Variants in ZCCHC14 observed in about 807,000 individuals in gnomAD.
ZCCHC14 encodes the protein zinc finger CCHC-type containing 14.
A neutral mutation model predicts 85.0 loss-of-function variants in ZCCHC14; 16 were observed. The observed-to-expected ratio is 0.19, with a 90% CI of 0.13 to 0.29. The LOEUF (loss-of-function observed/expected upper bound fraction) is 0.29. ZCCHC14 is among the 10% of genes least tolerant of loss of function. ZCCHC14 has a pLI of 1.00. For synonymous variants in ZCCHC14, 775 were observed against 630.7 expected, an observed-to-expected ratio of 1.23 and a Z score of -3.43; for missense variants, 1,303 against 1,443.5, an observed-to-expected ratio of 0.90 and a Z score of 1.58.
intron 7 of ZCCHC14, chr16:87,417,970 G>A (rs1052694252): frequency 2.6e-5 from 14 of 547,142 alleles, no homozygotes; most frequent in Non-Finnish European, 1.3e-5. Flanking sequence ...GCACACGTGT[G>A]CATACAGGCG....
intron 2 of ZCCHC14, among the ~76,000 whole-genome samples, chr16:87,437,004 G>C (rs1261702846): frequency 3.3e-5 from 5 of 151,966 alleles, no homozygotes; most frequent in African/African-American, 1.2e-4. Flanking sequence ...CTCCCTCCCT[G>C]GTCAGCCCCA....
At chr16:87,459,565 A>C (rs562596092) in intron 2 of ZCCHC14, among the ~76,000 whole-genome samples, 1 of 150,644 alleles carries the variant, frequency 6.6e-6, no homozygotes, top group Non-Finnish European at 1.5e-5. Context: ...GCTGGAGTGC[A>C]ATGGCGTGAT....
chr16:87,475,805 GGAGA>G (rs1567541769), intron 1 of ZCCHC14, among the ~76,000 whole-genome samples: 1 of 152,094 alleles, frequency 6.6e-6, no homozygotes, highest in Non-Finnish European at 1.5e-5. Flanking sequence ...AGTCCCATAA[GGAGA>G]GAGAGATTGA....
intron 1 of ZCCHC14, among the ~76,000 whole-genome samples, chr16:87,484,928 C>T (rs1448128121): frequency 1.3e-5 from 2 of 152,122 alleles, no homozygotes; most frequent in Non-Finnish European, 2.9e-5. Flanking sequence ...CTACAAGTGA[C>T]CCTGAGGAAA....
At chr16:87,444,317 G>C (rs1910330090) in intron 2 of ZCCHC14, among the ~76,000 whole-genome samples, 1 of 152,134 alleles carries the variant, frequency 6.6e-6, no homozygotes, top group South Asian at 2.1e-4. Flanking sequence ...ATATTAAAAA[G>C]ACACAAAACA....
rs1175687132 is a variant in ZCCHC14, at chr16:87,407,434, TA to T, written c.*2845del. 1 of 152,234 alleles carries T rather than the reference TA, an allele frequency of 6.6e-6. No homozygotes were observed. The highest frequency in any genetic ancestry group is 6.5e-5 in the Admixed American group (1 of 15,286). 9.4% of individuals were successfully genotyped at this position (152,234 alleles called of 1,614,324 possible). On this transcript the variant is annotated 3_prime_UTR_variant, in exon 13 of 13. Transcript: ENST00000671377. The stretch of plus-strand genomic sequence containing the variant: ...GCTCTTTAGCAATGAGTTTTTATGT[TA>T]AACACTTCCAACTGTCAGTATTACC...
intron 2 of ZCCHC14, among the ~76,000 whole-genome samples, chr16:87,442,805 T>A (rs569401504): frequency 6.6e-5 from 10 of 152,330 alleles, no homozygotes; most frequent in Admixed American, 2.6e-4. Context: ...TTCAAATGAC[T>A]GGGACTTTCG....
At chr16:87,441,641 T>G (rs983892618) in intron 2 of ZCCHC14, among the ~76,000 whole-genome samples, 14 of 152,198 alleles carry the variant, frequency 9.2e-5, no homozygotes, top group Non-Finnish European at 1.0e-4. Context: ...GGGGCTTTAT[T>G]GTAGGAAAAT....
intron 1 of ZCCHC14, among the ~76,000 whole-genome samples, chr16:87,468,768 G>C (rs888145883): frequency 1.3e-5 from 2 of 152,144 alleles, no homozygotes; most frequent in African/African-American, 4.8e-5. Context: ...TGCAGCCAAC[G>C]GAGACCAGCG....
intron 3 of ZCCHC14, among the ~76,000 whole-genome samples, chr16:87,427,965 A>C (rs1909461123): frequency 6.9e-6 from 1 of 144,826 alleles, no homozygotes; most frequent in African/African-American, 2.6e-5. Context: ...TTTTTAAGAG[A>C]CAGGTCTCAC....
At chr16:87,454,423 G>A (rs1052499090) in intron 2 of ZCCHC14, among the ~76,000 whole-genome samples, 5 of 152,160 alleles carry the variant, frequency 3.3e-5, no homozygotes, top group African/African-American at 7.2e-5. Flanking sequence ...GGCATACAGC[G>A]ACAGAAATGC....
chr16:87,453,284 A>G (rs747603757), intron 2 of ZCCHC14, among the ~76,000 whole-genome samples: 14 of 152,248 alleles, frequency 9.2e-5, no homozygotes, highest in Non-Finnish European at 1.5e-4. Flanking sequence ...ACCCTTCCAC[A>G]AATAACAAAG....
At position 87,409,412 on chromosome 16, in the gene ZCCHC14, G is replaced by C. The variant is rs942158929; in HGVS notation, c.*868C>G. Reference sequence around the variant, plus strand: ...CCGCGCTGTCGCCGTCCCCCCTCGAGAGGTCATTTGTAGTGGAAGATAGGG... The same window carrying C: ...CCGCGCTGTCGCCGTCCCCCCTCGACAGGTCATTTGTAGTGGAAGATAGGG... On this transcript the variant is annotated 3_prime_UTR_variant, in exon 13 of 13. Transcript: ENST00000671377. The C allele has an allele frequency of 6.6e-6, 1 of 152,214 alleles. No homozygotes were observed. The highest frequency in any genetic ancestry group is 2.4e-5 in the African/African-American group (1 of 41,446). The allele number at this position is 152,214 out of a possible 1,614,324, so 9.4% of individuals were successfully genotyped here.
At chr16:87,443,049 G>A (rs1910262230) in intron 2 of ZCCHC14, among the ~76,000 whole-genome samples, 1 of 152,204 alleles carries the variant, frequency 6.6e-6, no homozygotes, top group Non-Finnish European at 1.5e-5. Flanking sequence ...GGAAAGAAAA[G>A]CAAGAGAAAT....
At chr16:87,461,847 C>T (rs1296699063) in intron 1 of ZCCHC14, among the ~76,000 whole-genome samples, 1 of 152,240 alleles carries the variant, frequency 6.6e-6, no homozygotes, top group Non-Finnish European at 1.5e-5. Context: ...GCCCCTGCCC[C>T]CCAGCAAGAA....
At chr16:87,424,243 T>C (rs932179412) in intron 3 of ZCCHC14, among the ~76,000 whole-genome samples, 2 of 152,210 alleles carry the variant, frequency 1.3e-5, no homozygotes, top group African/African-American at 4.8e-5. Context: ...GTGCCTCAGA[T>C]GCAAGAGCGA....
Position 87,420,692 on chromosome 16 carries a change from T to C in ZCCHC14, c.865A>G (p.Asn289Asp), listed in dbSNP as rs781728908. The change falls in exon 5 of 13, where the codon AAC becomes GAC. Residue 289 changes from asparagine (N) to aspartate (D), a missense_variant. Asn to Asp is a conservative substitution (Grantham distance 23). Coordinates refer to ENST00000671377, the MANE Select transcript of ZCCHC14 (RefSeq NM_015144.3). The surrounding 1 kb of genome is among the most constrained non-coding windows in gnomAD (Gnocchi z 5.0). Reference protein sequence around the residue: ...SKLCQLYPEENLEKLIPCLAG... With the variant: ...SKLCQLYPEEDLEKLIPCLAG... Reference sequence around the variant, plus strand: ...AAGCAAGGAATGAGTTTCTCCAAGTTCTCTTCAGGATAGAGCTGACATAGC... The same window carrying C: ...AAGCAAGGAATGAGTTTCTCCAAGTCCTCTTCAGGATAGAGCTGACATAGC... 1 of 1,613,528 alleles carries C rather than the reference T, an allele frequency of 6.2e-7. No individual in the cohort carries two copies. The highest frequency in any genetic ancestry group is 8.5e-7 in the Non-Finnish European group (1 of 1,179,754).
At chr16:87,450,517 G>A (rs1046501783) in intron 2 of ZCCHC14, among the ~76,000 whole-genome samples, 1 of 150,698 alleles carries the variant, frequency 6.6e-6, no homozygotes, top group Non-Finnish European at 1.5e-5. Context: ...TCTTCACAAA[G>A]AGAAACAAAA....
In ZCCHC14 at chr16:87,492,305, G is replaced by C. The variant is rs1912803970; in HGVS notation, c.-67C>G. 1.1e-6 allele frequency: 1 copy of C among 892,186 alleles called. No individual in the cohort carries two copies. Among genetic ancestry groups the C allele is most frequent in the Non-Finnish European group, 1.3e-6 (1 of 748,994 alleles). The allele number at this position is 892,186 out of a possible 1,614,324, so 55.3% of individuals were successfully genotyped here. On this transcript the variant is annotated 5_prime_UTR_variant, in exon 1 of 13. Transcript: ENST00000671377. This position sits in a 1 kb window ranked among gnomAD's most constrained non-coding sequence, Gnocchi z 6.7. Reference sequence around the variant, plus strand: ...CGCGGGGGCGGCCGGGGGGCGCCGGGGGCCGCGGCCGGGGCGCGCCGGGAC... The same window carrying C: ...CGCGGGGGCGGCCGGGGGGCGCCGGCGGCCGCGGCCGGGGCGCGCCGGGAC...
Sources: allele counts gnomAD v4.1 joint callset (sites outside exome capture counted in the v4.1 genomes callset), GRCh38; gene constraint gnomAD v4.1.1; non-coding constraint Gnocchi (gnomAD v3.1); transcripts MANE v1.5; gene names NCBI Gene and HGNC (gene_info 2026-07-23, HGNC 2026-07-21).